Variants in SIRPG observed in about 807,000 individuals in gnomAD.
SIRPG encodes the protein signal regulatory protein gamma, also known as signal-regulatory protein gamma.
In SIRPG, 38 loss-of-function variants were observed where a neutral mutation model predicts 35.7. The observed-to-expected ratio is 1.06, with a 90% CI of 0.82 to 1.40. The LOEUF is 1.40. Among genes scored for constraint, SIRPG ranks in the 40% most tolerant of loss-of-function variants. The pLI, the probability that SIRPG is intolerant of heterozygous loss-of-function variation, is 0.00. For missense variants in SIRPG, 519 were observed against 483.0 expected, an observed-to-expected ratio of 1.07 and a Z score of -0.70; for synonymous variants, 215 against 190.4, an observed-to-expected ratio of 1.13 and a Z score of -1.06.
upstream of SIRPG, among the ~76,000 whole-genome samples, chr20:1,661,580 T>G (rs922209288): frequency 1.3e-5 from 2 of 152,142 alleles, no homozygotes; most frequent in Non-Finnish European, 2.9e-5. Context: ...GAGACAGGGA[T>G]GGACATTGCC....
chr20:1,655,104 G>C (rs1415263401), intron 1 of SIRPG, among the ~76,000 whole-genome samples: 2 of 152,202 alleles, frequency 1.3e-5, no homozygotes, highest in African/African-American at 4.8e-5. Context: ...AGAGCCATTA[G>C]TGAAAACAGT....
At chr20:1,644,792 G>C (rs1364506261) in intron 2 of SIRPG, among the ~76,000 whole-genome samples, 1 of 152,222 alleles carries the variant, frequency 6.6e-6, no homozygotes, top group Non-Finnish European at 1.5e-5. Flanking sequence ...CCTTGGCTGG[G>C]GGGTGGGGGC....
intron 4 of SIRPG, among the ~76,000 whole-genome samples, chr20:1,631,871 A>AT (rs533464002): frequency 0.01 from 1,522 of 152,114 alleles, 14 homozygotes; most frequent in Middle Eastern, 0.024. Flanking sequence ...CACTGGGCAT[A>AT]TTTTTTTTGG....
At chr20:1,675,793 A>G in the SIRPG span, among the ~76,000 whole-genome samples, 1 of 152,264 alleles carries the variant, frequency 6.6e-6, no homozygotes, top group Non-Finnish European at 1.5e-5. Context: ...TATTTTCACA[A>G]TGAAAATCAG....
At chr20:1,652,918 G>A (rs1402669711) in intron 1 of SIRPG, among the ~76,000 whole-genome samples, 1 of 152,154 alleles carries the variant, frequency 6.6e-6, no homozygotes, top group Admixed American at 6.5e-5. Context: ...GTATCCAATA[G>A]ATATGTGTGT....
chr20:1,656,390 C>T (rs538820474), intron 1 of SIRPG, among the ~76,000 whole-genome samples: 1 of 152,318 alleles, frequency 6.6e-6, no homozygotes, highest in South Asian at 2.1e-4. Flanking sequence ...TGACTTAATA[C>T]ACACAAAATG....
intron 4 of SIRPG, among the ~76,000 whole-genome samples, chr20:1,634,935 C>G (rs556334732): frequency 2.0e-5 from 3 of 151,130 alleles, no homozygotes; most frequent in South Asian, 4.2e-4. Flanking sequence ...CCCAGCTACT[C>G]GGGAGGCTGA....
At chr20:1,668,187 CT>C in the SIRPG span, among the ~76,000 whole-genome samples, 13 of 49,860 alleles carry the variant, frequency 2.6e-4, no homozygotes, top group East Asian at 1.7e-3. Context: ...TTCTTTCTTT[CT>C]TTTTCTTTTC....
intron 1 of SIRPG, among the ~76,000 whole-genome samples, chr20:1,655,085 T>C (rs1366321580): frequency 1.3e-5 from 2 of 152,180 alleles, no homozygotes; most frequent in Admixed American, 6.5e-5. Flanking sequence ...GGTGGGAATA[T>C]AAATTAGTAG....
the SIRPG span, among the ~76,000 whole-genome samples, chr20:1,666,081 A>T: frequency 1.3e-5 from 2 of 151,866 alleles, no homozygotes; most frequent in Non-Finnish European, 2.9e-5. Flanking sequence ...GCCCAGGCTA[A>T]TGTGCGTGGG....
At chr20:1,665,031 CA>C in the SIRPG span, among the ~76,000 whole-genome samples, 1 of 152,204 alleles carries the variant, frequency 6.6e-6, no homozygotes, top group Non-Finnish European at 1.5e-5. Flanking sequence ...ACCTCCCCAG[CA>C]GGCCCCTAAG....
the SIRPG span, among the ~76,000 whole-genome samples, chr20:1,672,955 C>G: frequency 6.6e-6 from 1 of 152,180 alleles, no homozygotes. Flanking sequence ...CAGGCAGGCA[C>G]TCATCCTGCG....
chr20:1,642,499 C>G (rs1189349361), intron 2 of SIRPG, among the ~76,000 whole-genome samples: 1 of 152,128 alleles, frequency 6.6e-6, no homozygotes, highest in Non-Finnish European at 1.5e-5. Context: ...TACAGCCCAC[C>G]GATGGGGCTT....
chr20:1,644,659 G>A (rs2091883424), intron 2 of SIRPG, among the ~76,000 whole-genome samples: 1 of 152,236 alleles, frequency 6.6e-6, no homozygotes, highest in African/African-American at 2.4e-5. Flanking sequence ...CAGCTCTGCG[G>A]TTGATTGAGA....
the SIRPG span, among the ~76,000 whole-genome samples, chr20:1,672,293 C>T: frequency 6.6e-6 from 1 of 152,208 alleles, no homozygotes; most frequent in East Asian, 1.9e-4. Context: ...ACCGAGATCT[C>T]TCTGAGGTAT....
rs780208812 is a variant in SIRPG, at chr20:1,635,372, C to T, written c.976G>A (p.Val326Ile). 1 of 1,614,114 alleles carries T rather than the reference C, an allele frequency of 6.2e-7. No homozygotes were observed. The highest frequency in any genetic ancestry group is 8.5e-7 in the Non-Finnish European group (1 of 1,180,018). ...TCATGCTTCACCTGGCAGGTGAGGA[C>T]CACATCATCCCTTTGGTCAGATATG... Reference protein sequence around the residue: ...VNISDQRDDVVLTCQVKHDGQ... With the variant: ...VNISDQRDDVILTCQVKHDGQ... The change falls in exon 4 of 6, where the codon GTC (valine) becomes ATC (isoleucine). Residue 326 changes from valine (V) to isoleucine (I), a missense_variant. Val to Ile is a conservative substitution (Grantham distance 29). Transcript: ENST00000303415.
At chr20:1,679,542 G>A in the SIRPG span, among the ~76,000 whole-genome samples, 5 of 152,036 alleles carry the variant, frequency 3.3e-5, no homozygotes, top group African/African-American at 1.2e-4. Flanking sequence ...CCATCTGCTT[G>A]GTTGAGCCTG....
chr20:1,671,099 T>C, the SIRPG span: 1 of 427,612 alleles, frequency 2.3e-6, no homozygotes, highest in South Asian at 1.9e-5. Flanking sequence ...AGGGTGGTGT[T>C]TCAGGGGGAG....
chr20:1,681,399 T>C, the SIRPG span, among the ~76,000 whole-genome samples: 1 of 152,234 alleles, frequency 6.6e-6, no homozygotes, highest in Non-Finnish European at 1.5e-5. Context: ...GAATGCTTTG[T>C]GCTTCTGTTT....
Sources: gnomAD v4.1 joint callset for allele counts (sites outside exome capture counted in the v4.1 genomes callset) on GRCh38, gnomAD v4.1.1 for gene constraint, MANE v1.5 for transcripts, NCBI Gene and HGNC (gene_info 2026-07-23, HGNC 2026-07-21) for gene names.